The following ATL2 variants were observed in gnomAD, a reference collection of about 807,000 sequenced individuals.
ATL2 encodes atlastin-2.
A neutral mutation model predicts 73.9 loss-of-function variants in ATL2; 31 were observed. The observed-to-expected ratio is 0.42, with a 90% confidence interval of 0.32 to 0.57. ATL2 has a LOEUF of 0.57. ATL2 is among the 20% of genes least tolerant of loss of function. ATL2 has a pLI of 0.14. For missense variants in ATL2, 738 were observed against 702.6 expected, an observed-to-expected ratio of 1.05 and a Z score of -0.57; for synonymous variants, 291 against 237.5, an observed-to-expected ratio of 1.23 and a Z score of -2.07.
chr2:38,334,873 ATATAT>A (rs951308226), intron 2 of ATL2, among the ~76,000 whole-genome samples: 3 of 38,144 alleles, frequency 7.9e-5, no homozygotes, highest in Admixed American at 4.4e-4. Context: ...ATTATATAAT[ATATAT>A]TATATAATAT....
At chr2:38,375,410 A>C (rs1308266375) in intron 1 of ATL2, among the ~76,000 whole-genome samples, 1 of 152,210 alleles carries the variant, frequency 6.6e-6, no homozygotes, top group Non-Finnish European at 1.5e-5. Context: ...GATCCGTCCT[A>C]AAAAACAAAG....
At chr2:38,315,242 ACTCCAT>A (rs1463981450) in intron 5 of ATL2, 36 bp downstream of exon 5, 4 of 1,433,202 alleles carry the variant, frequency 2.8e-6, no homozygotes, top group Non-Finnish European at 2.7e-6. Flanking sequence ...CAAGAGCGAA[ACTCCAT>A]CTCAAAAAAT....
intron 1 of ATL2, among the ~76,000 whole-genome samples, chr2:38,372,126 T>G (rs553562139): frequency 9.2e-5 from 11 of 119,588 alleles, no homozygotes; most frequent in Admixed American, 7.5e-4. Flanking sequence ...GTTAATTGTT[T>G]TTTTTTTTTT....
chr2:38,362,418 C>A (rs2124471849), intron 1 of ATL2, among the ~76,000 whole-genome samples: 1 of 152,280 alleles, frequency 6.6e-6, no homozygotes, highest in South Asian at 2.1e-4. Flanking sequence ...ATTTAATTAG[C>A]CACAGCCACA....
intron 2 of ATL2, among the ~76,000 whole-genome samples, chr2:38,333,674 AT>A (rs1669132412): frequency 6.6e-6 from 1 of 152,228 alleles, no homozygotes. Flanking sequence ...GTGCCATAAT[AT>A]TTATGATACT....
chr2:38,295,953 A>C lies in ATL2; in HGVS notation c.*41T>G. 6.9e-7 allele frequency: 1 copy of C among 1,446,094 alleles called. No homozygotes were observed. 89.6% of individuals were successfully genotyped at this position (1,446,094 alleles called of 1,614,324 possible). A position where few individuals can be genotyped will look rare whatever the true frequency, so the allele number is the denominator to read the frequency against. ...TTTGAGTTCTCATTGTACAGCAAGCATGAAAAAAAAAGAGAGTGGAGTCCG... is the reference window on the plus strand; with the variant it reads ...TTTGAGTTCTCATTGTACAGCAAGCCTGAAAAAAAAAGAGAGTGGAGTCCG... On this transcript the variant is annotated 3_prime_UTR_variant, in exon 13 of 13. Transcript: ENST00000378954.
intron 2 of ATL2, among the ~76,000 whole-genome samples, chr2:38,321,249 AATTATT>A (rs746110755): frequency 6.6e-6 from 1 of 152,050 alleles, no homozygotes; most frequent in East Asian, 1.9e-4. Flanking sequence ...AACCATCTTT[AATTATT>A]ATTATTATTC....
At chr2:38,310,243 T>C in intron 8 of ATL2, 66 bp downstream of exon 8, 1 of 1,555,400 alleles carries the variant, frequency 6.4e-7, no homozygotes, top group Non-Finnish European at 8.8e-7. Context: ...GCGTCATGTA[T>C]TTTCTTAAAA....
At chr2:38,345,622 C>G (rs1412954059) in intron 1 of ATL2, among the ~76,000 whole-genome samples, 1 of 152,128 alleles carries the variant, frequency 6.6e-6, no homozygotes, top group African/African-American at 2.4e-5. Context: ...TGGTATATAG[C>G]AATAGTCAGG....
chr2:38,314,783 C>T lies in ATL2; in HGVS notation c.655-119G>A. On this transcript the variant is annotated intron_variant, in intron 5 of 12. Transcript: ENST00000378954. Reference sequence around the variant, plus strand: ...CCTTTAAAATCATTTCAAAGCCAAACATTTAATTTTCTAACACACTAGGTA... The same window carrying T: ...CCTTTAAAATCATTTCAAAGCCAAATATTTAATTTTCTAACACACTAGGTA... 11 of 647,416 alleles carry T rather than the reference C, an allele frequency of 1.7e-5. No homozygotes were observed. In the South Asian group the frequency reaches 2.6e-4, roughly 15 times the overall value. The allele number at this position is 647,416 out of a possible 1,614,324, so 40.1% of individuals were successfully genotyped here. A position where few individuals can be genotyped will look rare whatever the true frequency, so the allele number is the denominator to read the frequency against.
At chr2:38,301,972 G>C (rs897036551) in intron 9 of ATL2, among the ~76,000 whole-genome samples, 2 of 152,182 alleles carry the variant, frequency 1.3e-5, no homozygotes, top group Non-Finnish European at 2.9e-5. Flanking sequence ...AGAGGACTTT[G>C]TCTTGCAATT....
intron 2 of ATL2, among the ~76,000 whole-genome samples, chr2:38,341,685 C>T (rs11679271): frequency 0.43 from 66,066 of 151,964 alleles, 17,182 homozygotes; most frequent in African/African-American, 0.74. Flanking sequence ...AAATGATGTA[C>T]CTTTCTCAAT....
chr2:38,314,513 T>C, intron 6 of ATL2, 95 bp downstream of exon 6: 1 of 792,042 alleles, frequency 1.3e-6, no homozygotes, highest in Non-Finnish European at 2.1e-6. Flanking sequence ...GCAATGAGTC[T>C]ATTGTAATAT....
chr2:38,334,880 A>ATATAT (rs1669228494), intron 2 of ATL2, among the ~76,000 whole-genome samples: 1 of 26,462 alleles, frequency 3.8e-5, no homozygotes, highest in Non-Finnish European at 1.1e-4. Context: ...AATATATATT[A>ATATAT]TATAATATAT....
At chr2:38,299,141 A>T in intron 11 of ATL2, 115 bp downstream of exon 11, 1 of 934,312 alleles carries the variant, frequency 1.1e-6, no homozygotes, top group Non-Finnish European at 1.5e-6. Context: ...TTAGGGAATA[A>T]TGTACCATAA....
intron 2 of ATL2, among the ~76,000 whole-genome samples, chr2:38,338,211 G>C (rs186183610): frequency 2.6e-5 from 4 of 152,190 alleles, no homozygotes; most frequent in Non-Finnish European, 4.4e-5. Flanking sequence ...TGCAGGAACA[G>C]AAAACCAAAT....
Position 38,298,590 on chromosome 2 carries a change from T to G in ATL2, c.1201-15A>C. The G allele has an allele frequency of 6.3e-7, 1 of 1,597,196 alleles. No individual in the cohort carries two copies. ...CCTCCACATACCTGGACAGACAGAA[T>G]TACAGTATTACATGCTAGAAATAAT... On this transcript the variant is annotated splice_polypyrimidine_tract_variant and intron_variant, in intron 11 of 12. Coordinates refer to ENST00000378954, the MANE Select transcript of ATL2 (RefSeq NM_001135673.4).
chr2:38,336,385 C>G (rs10177042), intron 2 of ATL2, among the ~76,000 whole-genome samples: 63,584 of 151,982 alleles, frequency 0.42, 16,291 homozygotes, highest in African/African-American at 0.73. Flanking sequence ...AATGCCATTA[C>G]CAAATATGCT....
At chr2:38,300,971 C>CTTTT (rs1325860466) in intron 9 of ATL2, among the ~76,000 whole-genome samples, 6,173 of 143,466 alleles carry the variant, frequency 0.043, 532 homozygotes, top group African/African-American at 0.17. Flanking sequence ...TTCATCTCAA[C>CTTTT]TTTCTTTTTT....
Sources: allele counts gnomAD v4.1 joint callset (sites outside exome capture counted in the v4.1 genomes callset), GRCh38; gene constraint gnomAD v4.1.1; transcripts MANE v1.5; gene names NCBI Gene and HGNC (gene_info 2026-07-23, HGNC 2026-07-21).